DNAI4: variants seen among roughly 807,000 people sequenced by gnomAD.
The protein encoded by DNAI4 is dynein axonemal intermediate chain 4.
In DNAI4, 85 loss-of-function variants were observed where a neutral mutation model predicts 105.8. The ratio of observed to expected loss-of-function variants is 0.80; its 90% confidence interval spans 0.67 to 0.96. The LOEUF (loss-of-function observed/expected upper bound fraction) is 0.96, where lower values mean the gene tolerates loss of function less well. Among genes scored for constraint, DNAI4 ranks in the 40% least tolerant of loss-of-function variants. The pLI is 0.00. For synonymous variants in DNAI4, 352 were observed against 331.5 expected, an observed-to-expected ratio of 1.06 and a Z score of -0.67; for missense variants, 1,014 against 1,005.6, an observed-to-expected ratio of 1.01 and a Z score of -0.11.
chr1:66,874,622 T>C (rs546121204), intron 5 of DNAI4, among the ~76,000 whole-genome samples, 159 bp downstream of exon 5: 2 of 152,302 alleles, frequency 1.3e-5, no homozygotes, highest in East Asian at 1.9e-4. Context: ...GGCACTTATA[T>C]AACTTTGTAT....
chr1:66,841,608 C>G (rs1321119737), intron 8 of DNAI4, among the ~76,000 whole-genome samples: 1 of 152,124 alleles, frequency 6.6e-6, no homozygotes, highest in African/African-American at 2.4e-5. Context: ...CTGGCCTAAG[C>G]AATCCTCATG....
chr1:66,893,049 A>AAAAG (rs1647891964), intron 3 of DNAI4, among the ~76,000 whole-genome samples, 180 bp downstream of exon 3: 1 of 115,744 alleles, frequency 8.6e-6, no homozygotes, highest in African/African-American at 3.7e-5. Flanking sequence ...GAAAGAAAGA[A>AAAAG]AGAAAGAGAG....
At chr1:66,837,495 A>T (rs972699026) in intron 10 of DNAI4, 1 of 583,104 alleles carries the variant, frequency 1.7e-6, no homozygotes, top group Admixed American at 3.5e-5. Flanking sequence ...TATAGTACAC[A>T]TTCAATAAAT....
At position 66,893,034 on chromosome 1, in the gene DNAI4, G is replaced by GAGAGA. The variant is rs1553227588; in HGVS notation, c.530+194_530+195insTCTCT. ...GAGAGGAAAGAAAGAAAGAAAGAGA[G>GAGAGA]GAAAGAAAGAAAGAAAGAAAGAGAG... On this transcript the variant is annotated intron_variant, in intron 3 of 16. Transcript: ENST00000371026. Among the ~76,000 whole-genome samples, 50 of 91,144 alleles carry GAGAGA rather than the reference G, an allele frequency of 5.5e-4. 2 individuals carry two copies. The highest frequency in any genetic ancestry group is 6.8e-3 in the Middle Eastern group (1 of 148). The allele number at this position is 91,144 out of a possible 152,430, so 59.8% of individuals were successfully genotyped here. A position where few individuals can be genotyped will look rare whatever the true frequency, so the allele number is the denominator to read the frequency against.
intron 6 of DNAI4, among the ~76,000 whole-genome samples, chr1:66,865,725 A>G (rs1263988728): frequency 6.6e-6 from 1 of 152,196 alleles, no homozygotes; most frequent in Non-Finnish European, 1.5e-5. Flanking sequence ...CTGCAAGTGG[A>G]CAGACTTAAC....
chr1:66,893,093 G>GAAAGAAAGA lies in DNAI4; in HGVS notation c.530+127_530+135dup, dbSNP rs1553227697. On this transcript the variant is annotated intron_variant, in intron 3 of 16. Coordinates refer to ENST00000371026, the MANE Select transcript of DNAI4 (RefSeq NM_024763.5). ...AGAAAGAAAGAAAGAAAGAAAGAAA[G>GAAAGAAAGA]AAAGAAAGAAAGAAAGAAAGAAAGA... 1.9e-3 allele frequency: 804 copies of GAAAGAAAGA among 422,472 alleles called. 18 individuals carry two copies. The highest frequency in any genetic ancestry group is 0.015 in the African/African-American group (723 of 46,782). 26.2% of individuals were successfully genotyped at this position (422,472 alleles called of 1,614,324 possible).
chr1:66,904,669 T>A (rs1404448697), intron 2 of DNAI4, among the ~76,000 whole-genome samples: 1 of 152,144 alleles, frequency 6.6e-6, no homozygotes, highest in East Asian at 1.9e-4. Flanking sequence ...GAGAAAAAGT[T>A]TTAATTTTGA....
chr1:66,886,846 T>C (rs1005892893), intron 4 of DNAI4, among the ~76,000 whole-genome samples: 1 of 152,188 alleles, frequency 6.6e-6, no homozygotes, highest in Admixed American at 6.5e-5. Context: ...TTATCTTTCC[T>C]CCTTAGTTAA....
intron 16 of DNAI4, among the ~76,000 whole-genome samples, chr1:66,816,949 AAT>A (rs748449547): frequency 2.2e-4 from 34 of 152,112 alleles, no homozygotes; most frequent in Non-Finnish European, 4.7e-4. Flanking sequence ...GTCTACTAAA[AAT>A]ATGTTTTTAT....
At chr1:66,836,050 G>C (rs191987401) in intron 10 of DNAI4, among the ~76,000 whole-genome samples, 7 of 151,460 alleles carry the variant, frequency 4.6e-5, no homozygotes, top group Non-Finnish European at 1.0e-4. Flanking sequence ...TAGCTACTAG[G>C]GAGGCTGAGG....
chr1:66,913,204 A>G (rs1050325756), intron 1 of DNAI4, among the ~76,000 whole-genome samples: 1 of 152,158 alleles, frequency 6.6e-6, no homozygotes, highest in Non-Finnish European at 1.5e-5. Flanking sequence ...TCCTTGGCTC[A>G]AGTTAAGATT....
intron 1 of DNAI4, among the ~76,000 whole-genome samples, chr1:66,923,377 T>C (rs921442421): frequency 3.3e-5 from 5 of 152,140 alleles, no homozygotes; most frequent in Admixed American, 1.3e-4. Context: ...AATGCTGAAA[T>C]TGGCTAACAA....
chr1:66,836,188 GA>G (rs1557908071), intron 10 of DNAI4, among the ~76,000 whole-genome samples: 1 of 61,394 alleles, frequency 1.6e-5, no homozygotes, highest in African/African-American at 5.8e-5. Flanking sequence ...AAGAAAGAAA[GA>G]AAGAAAGAAA....
chr1:66,907,031 A>G (rs1372499518), intron 1 of DNAI4: 2 of 152,146 alleles, frequency 1.3e-5, no homozygotes, highest in African/African-American at 2.4e-5. Flanking sequence ...GCATAAAATT[A>G]TGCCCCAATC....
chr1:66,901,863 T>G (rs538808028), intron 2 of DNAI4, among the ~76,000 whole-genome samples: 1 of 152,364 alleles, frequency 6.6e-6, no homozygotes. Flanking sequence ...CATAGCTCAC[T>G]GTAGCCTTGA....
intron 3 of DNAI4, among the ~76,000 whole-genome samples, chr1:66,892,943 AG>A (rs1381130950): frequency 8.7e-6 from 1 of 115,232 alleles, no homozygotes; most frequent in Non-Finnish European, 1.7e-5. Context: ...AAGAAAGAGA[AG>A]AAAGAGAAGA....
At chr1:66,886,841 TTTCCTCCTTAGTTAAG>T in intron 4 of DNAI4, among the ~76,000 whole-genome samples, 1 of 152,204 alleles carries the variant, frequency 6.6e-6, no homozygotes, top group East Asian at 1.9e-4. Flanking sequence ...CGCTGTTATC[TTTCCTCCTTAGTTAAG>T]AAATAAAGGC....
Position 66,890,782 on chromosome 1 carries a change from G to C in DNAI4, c.643+372C>G. ...AGGAGGAAGAGGAAGAAGAGGAAGA[G>C]GAGGAAGAAGAAGTGAGGAAGAAGA... On this transcript the variant is annotated intron_variant, in intron 4 of 16. Coordinates refer to ENST00000371026, the MANE Select transcript of DNAI4 (RefSeq NM_024763.5). The surrounding 1 kb of genome is among the most constrained non-coding windows in gnomAD (Gnocchi z 4.1). 3.6e-6 allele frequency: 1 copy of C among 279,632 alleles called. No individual in the cohort carries two copies. Among genetic ancestry groups the C allele is most frequent in the East Asian group, 1.2e-4 (1 of 8,212 alleles). 17.3% of individuals were successfully genotyped at this position (279,632 alleles called of 1,614,324 possible).
chr1:66,889,239 G>A lies in DNAI4; in HGVS notation c.643+1915C>T, dbSNP rs563657071. ...TGGTCATGTGACAGTTCTGGCCAATGAGATGAAAGCAGAAATATAAAGGAA... is the reference window on the plus strand; with the variant it reads ...TGGTCATGTGACAGTTCTGGCCAATAAGATGAAAGCAGAAATATAAAGGAA... On this transcript the variant is annotated intron_variant, in intron 4 of 16. Coordinates refer to ENST00000371026, the MANE Select transcript of DNAI4 (RefSeq NM_024763.5). 3.8e-3 allele frequency among the ~76,000 whole-genome samples: 574 copies of A among 152,284 alleles called. 5 individuals carry two copies. The highest frequency in any genetic ancestry group is 6.5e-3 in the Non-Finnish European group (440 of 68,020).
Sources: allele counts gnomAD v4.1 joint callset (sites outside exome capture counted in the v4.1 genomes callset), GRCh38; gene constraint gnomAD v4.1.1; non-coding constraint Gnocchi (gnomAD v3.1); transcripts MANE v1.5; gene names NCBI Gene and HGNC (gene_info 2026-07-23, HGNC 2026-07-21).